The following ATP7B variants were observed in gnomAD, a reference collection of about 807,000 sequenced individuals.
The protein encoded by ATP7B is copper-transporting ATPase 2.
A neutral mutation model predicts 118.9 loss-of-function variants in ATP7B; 113 were observed. The observed-to-expected ratio is 0.95, with a 90% CI of 0.82 to 1.11. The LOEUF (loss-of-function observed/expected upper bound fraction) is 1.11. ATP7B is among the 50% of genes most tolerant of loss of function. ATP7B has a pLI of 0.00. For missense variants in ATP7B, 1,867 were observed against 1,871.4 expected (o/e 1.00, Z 0.04); for synonymous variants, 777 against 727.4 (o/e 1.07, Z -1.10).
At chr13:51,976,885 G>T (rs1261238141) in intron 1 of ATP7B, among the ~76,000 whole-genome samples, 1 of 152,190 alleles carries the variant, frequency 6.6e-6, no homozygotes, top group Non-Finnish European at 1.5e-5. Context: ...GTTGCTCTGG[G>T]TGAGTCGGTG....
At chr13:51,998,195 C>G (rs575264535) in intron 1 of ATP7B, among the ~76,000 whole-genome samples, 1 of 152,270 alleles carries the variant, frequency 6.6e-6, no homozygotes, top group Non-Finnish European at 1.5e-5. Context: ...AGCAGGTGGT[C>G]AGCCTGTAAC....
At position 51,949,865 on chromosome 13, in the gene ATP7B, G is replaced by C. The variant is rs1026489310; in HGVS notation, c.2731-69C>G. On this transcript the variant is annotated intron_variant, in intron 11 of 20. Coordinates refer to ENST00000242839, the MANE Select transcript of ATP7B (RefSeq NM_000053.4). Reference sequence around the variant, plus strand: ...GAAGAAATAAAACACCACAAGCATGGATAAAGATTGGGATAATCTCCTTCA... The same window carrying C: ...GAAGAAATAAAACACCACAAGCATGCATAAAGATTGGGATAATCTCCTTCA... 8 of 1,611,532 alleles carry C rather than the reference G, an allele frequency of 5.0e-6. No individual in the cohort carries two copies. In the African/African-American group the frequency reaches 9.4e-5, roughly 19 times the overall value.
At chr13:51,954,961 G>A (rs1350781726) in intron 9 of ATP7B, among the ~76,000 whole-genome samples, 1 of 152,128 alleles carries the variant, frequency 6.6e-6, no homozygotes, top group African/African-American at 2.4e-5. Flanking sequence ...CAAGGAAAAA[G>A]GAGAGAAGAA....
intron 4 of ATP7B, 85 bp from the exon 5 acceptor site, chr13:51,965,118 CAGCCAAG>C: frequency 6.4e-7 from 1 of 1,551,836 alleles, no homozygotes; most frequent in Non-Finnish European, 8.8e-7. Flanking sequence ...AGGTAACAGG[CAGCCAAG>C]AGCCTTTCCC....
intron 1 of ATP7B, among the ~76,000 whole-genome samples, chr13:51,978,422 G>A (rs913901686): frequency 2.0e-5 from 3 of 152,148 alleles, no homozygotes; most frequent in African/African-American, 7.2e-5. Context: ...ATTGCTAGTG[G>A]GAGTGTAACC....
chr13:51,975,063 G>A lies in ATP7B; in HGVS notation c.157C>T (p.Pro53Ser), dbSNP rs751956663. ...GTGCTGGTGGCCACCTGAGAAGAAGGGCCCAGGCCATCCAGACCACCTTCA... is the reference window on the plus strand; with the variant it reads ...GTGCTGGTGGCCACCTGAGAAGAAGAGCCCAGGCCATCCAGACCACCTTCA... The part of the protein sequence containing the change: ...GYEGGLDGLG[P>S]SSQVATSTVR... The change falls in exon 2 of 21, where the codon CCT becomes TCT. Residue 53 changes from proline to serine, a missense_variant. By Grantham distance (74) the Pro-to-Ser change is moderately conservative. Transcript: ENST00000242839. 3.7e-6 allele frequency: 6 copies of A among 1,614,064 alleles called. No homozygotes were observed. The highest frequency in any genetic ancestry group is 5.1e-6 in the Non-Finnish European group (6 of 1,180,044).
Position 51,933,770 on chromosome 13 carries a change from C to T in ATP7B, c.*986G>A, listed in dbSNP as rs1956815327. The T allele has an allele frequency of 6.6e-6, 1 of 152,258 alleles. No homozygotes were observed. The highest frequency in any genetic ancestry group is 1.5e-5 in the Non-Finnish European group (1 of 68,086). The allele number at this position is 152,258 out of a possible 1,614,324, so 9.4% of individuals were successfully genotyped here. A position where few individuals can be genotyped will look rare whatever the true frequency, so the allele number is the denominator to read the frequency against. On this transcript the variant is annotated 3_prime_UTR_variant, in exon 21 of 21. Transcript: ENST00000242839. The stretch of plus-strand genomic sequence containing the variant: ...ACCCCACGAGGTGACAGTCAGAAGA[C>T]TGAAAACGAAGCCCCTTGGGCCGTG...
At chr13:51,970,385 C>A (rs1472436243) in intron 3 of ATP7B, 107 bp downstream of exon 3, 2 of 1,497,148 alleles carry the variant, frequency 1.3e-6, no homozygotes, top group African/African-American at 2.8e-5. Flanking sequence ...GAACTTGCTA[C>A]CTGGTTATCA....
intron 14 of ATP7B, 43 bp downstream of exon 14, chr13:51,944,066 G>A (rs767176915): frequency 6.2e-7 from 1 of 1,612,160 alleles, no homozygotes; most frequent in South Asian, 1.1e-5. Flanking sequence ...AGGAATAAAA[G>A]AGCATTGGCG....
At chr13:51,940,034 C>G (rs1162762711) in intron 16 of ATP7B, among the ~76,000 whole-genome samples, 1 of 94,206 alleles carries the variant, frequency 1.1e-5, no homozygotes, top group Admixed American at 1.7e-4. Context: ...TTTTTTGAGA[C>G]AGAGTTACGC....
intron 1 of ATP7B, among the ~76,000 whole-genome samples, chr13:52,006,687 CA>C (rs1258175342): frequency 6.6e-6 from 1 of 152,224 alleles, no homozygotes; most frequent in Non-Finnish European, 1.5e-5. Context: ...GGGTCTTCCA[CA>C]GACCTTCCAG....
intron 1 of ATP7B, among the ~76,000 whole-genome samples, chr13:51,982,001 G>A (rs1172647164): frequency 7.3e-6 from 1 of 136,802 alleles, no homozygotes; most frequent in African/African-American, 2.6e-5. Flanking sequence ...TTTTTTGGGT[G>A]TGAATTTTTT....
chr13:51,992,018 C>T (rs1005948405), intron 1 of ATP7B, among the ~76,000 whole-genome samples: 1 of 151,980 alleles, frequency 6.6e-6, no homozygotes, highest in Admixed American at 6.6e-5. Flanking sequence ...TAAAACAGAT[C>T]TTTTTCCCCT....
chr13:51,956,155 C>T (rs1958334273), intron 9 of ATP7B, among the ~76,000 whole-genome samples: 1 of 152,184 alleles, frequency 6.6e-6, no homozygotes, highest in Non-Finnish European at 1.5e-5. Context: ...CATTTAAAAG[C>T]CAGGATCCAG....
intron 8 of ATP7B, chr13:51,958,065 T>G (rs2139519841): frequency 1.8e-6 from 1 of 551,422 alleles, no homozygotes; most frequent in Non-Finnish European, 3.2e-6. Context: ...GAAGGCCAGG[T>G]TTCTTTAGTT....
intron 1 of ATP7B, among the ~76,000 whole-genome samples, chr13:51,986,500 G>A (rs1226031020): frequency 1.3e-5 from 2 of 152,146 alleles, no homozygotes; most frequent in African/African-American, 4.8e-5. Context: ...AGAGGAGCTG[G>A]TACCATTCCT....
At chr13:51,972,473 C>T (rs1394906116) in intron 2 of ATP7B, among the ~76,000 whole-genome samples, 2 of 152,170 alleles carry the variant, frequency 1.3e-5, no homozygotes, top group Non-Finnish European at 2.9e-5. Flanking sequence ...CACTGTCCTC[C>T]AGCATCTCAG....
At chr13:51,961,533 G>A (rs904315276) in intron 6 of ATP7B, among the ~76,000 whole-genome samples, 1 of 152,144 alleles carries the variant, frequency 6.6e-6, no homozygotes, top group Non-Finnish European at 1.5e-5. Context: ...GCTAAAGGTA[G>A]CTAAATTGAA....
intron 12 of ATP7B, among the ~76,000 whole-genome samples, chr13:51,949,432 T>C (rs761150810): frequency 1.1e-4 from 16 of 152,344 alleles, no homozygotes; most frequent in Admixed American, 2.0e-4. Flanking sequence ...AATTGGTGTC[T>C]GTGAAAATTA....
Sources: gnomAD v4.1 joint callset for allele counts (sites outside exome capture counted in the v4.1 genomes callset) on GRCh38, gnomAD v4.1.1 for gene constraint, MANE v1.5 for transcripts, NCBI Gene and HGNC (gene_info 2026-07-23, HGNC 2026-07-21) for gene names.